Variants in MYO1D observed in about 807,000 individuals in gnomAD.
The protein encoded by MYO1D is myosin ID.
In MYO1D, 83 loss-of-function variants were observed where a neutral mutation model predicts 122.0. That is an observed-to-expected ratio of 0.68 (90% CI 0.57 to 0.82). MYO1D has a LOEUF of 0.82. MYO1D is among the 40% of genes least tolerant of loss of function. The pLI, the probability that MYO1D is intolerant of heterozygous loss-of-function variation, is 0.00. For missense variants in MYO1D, 1,157 were observed against 1,269.5 expected (o/e 0.91, Z 1.35); for synonymous variants, 464 against 446.9 (o/e 1.04, Z -0.48).
intron 21 of MYO1D, among the ~76,000 whole-genome samples, chr17:32,543,824 G>A (rs546631476): frequency 4.4e-4 from 66 of 151,584 alleles, no homozygotes; most frequent in African/African-American, 1.1e-3. Flanking sequence ...ATGGAGTCTC[G>A]CTCTGTCACC....
intron 21 of MYO1D, among the ~76,000 whole-genome samples, chr17:32,598,215 A>C (rs929750819): frequency 2.0e-5 from 3 of 152,018 alleles, no homozygotes; most frequent in Non-Finnish European, 4.4e-5. Context: ...CTCTACTAAA[A>C]ACACAAAAAT....
At chr17:32,804,435 T>C (rs886924810) in intron 1 of MYO1D, among the ~76,000 whole-genome samples, 1 of 152,232 alleles carries the variant, frequency 6.6e-6, no homozygotes, top group Non-Finnish European at 1.5e-5. Flanking sequence ...ATAAAACTTA[T>C]GCAATTTTTA....
chr17:32,860,486 AT>A (rs2151087011), intron 1 of MYO1D, among the ~76,000 whole-genome samples: 1 of 152,296 alleles, frequency 6.6e-6, no homozygotes, highest in East Asian at 1.9e-4. Flanking sequence ...TAAGACCTCC[AT>A]CTTTCTCACA....
intron 1 of MYO1D, among the ~76,000 whole-genome samples, chr17:32,867,405 G>T (rs2091136845): frequency 6.6e-6 from 1 of 151,632 alleles, no homozygotes; most frequent in South Asian, 2.1e-4. Flanking sequence ...ATTTATTAAG[G>T]TATCTCTTAC....
intron 21 of MYO1D, among the ~76,000 whole-genome samples, chr17:32,526,071 G>A (rs533941302): frequency 6.6e-6 from 1 of 152,276 alleles, no homozygotes; most frequent in South Asian, 2.1e-4. Context: ...ACTTTTAGGA[G>A]CCTTTCCGAT....
intron 21 of MYO1D, among the ~76,000 whole-genome samples, chr17:32,520,188 A>G (rs1261597954): frequency 6.6e-6 from 1 of 152,134 alleles, no homozygotes; most frequent in Non-Finnish European, 1.5e-5. Context: ...GGCTCATGAG[A>G]CTGTACTCTG....
At chr17:32,543,823 C>G (rs1227679714) in intron 21 of MYO1D, among the ~76,000 whole-genome samples, 4 of 151,748 alleles carry the variant, frequency 2.6e-5, no homozygotes, top group African/African-American at 9.7e-5. Flanking sequence ...GATGGAGTCT[C>G]GCTCTGTCAC....
intron 21 of MYO1D, among the ~76,000 whole-genome samples, chr17:32,560,578 A>AG (rs2087115136): frequency 1.5e-5 from 1 of 64,734 alleles, no homozygotes; most frequent in Non-Finnish European, 3.6e-5. Flanking sequence ...TATATATATA[A>AG]CTTTTATACC....
intron 20 of MYO1D, among the ~76,000 whole-genome samples, chr17:32,621,099 G>A (rs561539306): frequency 2.4e-4 from 36 of 151,914 alleles, no homozygotes; most frequent in Non-Finnish European, 4.7e-4. Flanking sequence ...TTTTCCCTTG[G>A]GGACGTTGAA....
At chr17:32,692,640 C>CA (rs557612069) in intron 16 of MYO1D, among the ~76,000 whole-genome samples, 19 of 151,884 alleles carry the variant, frequency 1.3e-4, no homozygotes, top group Non-Finnish European at 2.6e-4. Flanking sequence ...AGGGAACTTA[C>CA]AAAAAAAGGT....
intron 1 of MYO1D, among the ~76,000 whole-genome samples, chr17:32,809,667 G>C (rs960837965): frequency 6.6e-6 from 1 of 152,108 alleles, no homozygotes; most frequent in African/African-American, 2.4e-5. Context: ...TCAAACTCCT[G>C]GCCTCAATTA....
At chr17:32,554,776 T>TAC (rs2087053781) in intron 21 of MYO1D, among the ~76,000 whole-genome samples, 2 of 152,292 alleles carry the variant, frequency 1.3e-5, no homozygotes, top group South Asian at 4.1e-4. Context: ...ATGAAACACG[T>TAC]ACAAATCACA....
In MYO1D at chr17:32,767,623, T is replaced by C; in HGVS notation, c.831+13A>G. 16 of 1,513,828 alleles carry C rather than the reference T, an allele frequency of 1.1e-5. No homozygotes were observed. The highest frequency in any genetic ancestry group is 1.5e-5 in the Non-Finnish European group (16 of 1,091,218). The allele number at this position is 1,513,828 out of a possible 1,614,324, so 93.8% of individuals were successfully genotyped here. The stretch of plus-strand genomic sequence containing the variant: ...GCAGAAGACAATACATTCTGAGAGG[T>C]GTCCCTACTCACCAAGTGCAGAATA... On this transcript the variant is annotated intron_variant, in intron 7 of 21. Transcript: ENST00000318217.
intron 1 of MYO1D, among the ~76,000 whole-genome samples, chr17:32,803,339 G>C (rs1037792752): frequency 5.3e-5 from 8 of 152,006 alleles, no homozygotes; most frequent in Non-Finnish European, 7.4e-5. Context: ...GTAGAGACAG[G>C]GTTTCACCGT....
intron 1 of MYO1D, among the ~76,000 whole-genome samples, chr17:32,863,248 T>C (rs1362739910): frequency 6.6e-6 from 1 of 152,238 alleles, no homozygotes; most frequent in African/African-American, 2.4e-5. Flanking sequence ...TAATATGTTT[T>C]AGAGTAGCAC....
At chr17:32,762,761 C>T (rs531438168) in intron 8 of MYO1D, among the ~76,000 whole-genome samples, 29 of 151,664 alleles carry the variant, frequency 1.9e-4, no homozygotes, top group African/African-American at 6.8e-4. Context: ...GTAATCCTAG[C>T]TACTCAGGAG....
Position 32,775,945 on chromosome 17 carries a change from C to T in MYO1D, c.483G>A (p.Arg161=). ...AKTNRNDNSS[R]FGKYMDINFD... ...AGTTGATATCCATGTATTTTCCAAA[C>T]CTGCTTGAGTTGTCATTACGGTTGG... The change falls in exon 4 of 22, where the codon AGG becomes AGA. Residue 161 remains arginine (R), a synonymous_variant. Coordinates refer to ENST00000318217, the MANE Select transcript of MYO1D (RefSeq NM_015194.3). 6.2e-7 allele frequency: 1 copy of T among 1,613,852 alleles called. No individual in the cohort carries two copies. Among genetic ancestry groups the T allele is most frequent in the Non-Finnish European group, 8.5e-7 (1 of 1,179,858 alleles).
intron 1 of MYO1D, among the ~76,000 whole-genome samples, chr17:32,850,334 T>C (rs2090975213): frequency 6.6e-6 from 1 of 152,164 alleles, no homozygotes; most frequent in African/African-American, 2.4e-5. Flanking sequence ...ATAACAATTA[T>C]CCACTGATAC....
At chr17:32,604,117 A>C (rs2087596967) in intron 21 of MYO1D, among the ~76,000 whole-genome samples, 1 of 152,182 alleles carries the variant, frequency 6.6e-6, no homozygotes, top group African/African-American at 2.4e-5. Context: ...AAATGAATAC[A>C]ATAGAATTAG....
Sources: gnomAD v4.1 joint callset for allele counts (sites outside exome capture counted in the v4.1 genomes callset) on GRCh38, gnomAD v4.1.1 for gene constraint, MANE v1.5 for transcripts, NCBI Gene and HGNC (gene_info 2026-07-23, HGNC 2026-07-21) for gene names.